Variants in SGCD observed in about 807,000 individuals in gnomAD.
SGCD encodes the protein sarcoglycan delta.
In SGCD, 18 loss-of-function variants were observed where a neutral mutation model predicts 36.6. The observed-to-expected ratio is 0.49, with a 90% confidence interval of 0.34 to 0.73. SGCD has a LOEUF of 0.73. SGCD is among the 30% of genes least tolerant of loss of function. The probability of loss-of-function intolerance (pLI) is 0.01; values close to 1 mark genes in which losing one functional copy is unlikely to be tolerated. For missense variants in SGCD, 387 were observed against 346.7 expected (o/e 1.12, Z -0.92); for synonymous variants, 133 against 130.6 (o/e 1.02, Z -0.12).
chr5:155,885,326 G>A lies in SGCD; in HGVS notation c.-282+14902G>A, dbSNP rs12657186. Among the ~76,000 whole-genome samples the A allele has an allele frequency of 6.3e-4, 73 of 116,156 alleles. 14 individuals carry two copies. The East Asian group carries it at 0.014, about 23-fold the overall frequency. The allele number at this position is 116,156 out of a possible 152,430, so 76.2% of individuals were successfully genotyped here. ...ATGTAACATATGCATTGAGACAGAA[G>A]CAGGCAAGCATAAAAATATCAAGTG... On this transcript the variant is annotated intron_variant, in intron 1 of 9. Coordinates refer to the SGCD transcript ENST00000517913.
At chr5:155,949,100 T>A (rs918932771) in intron 1 of SGCD, among the ~76,000 whole-genome samples, 1 of 152,174 alleles carries the variant, frequency 6.6e-6, no homozygotes, top group Non-Finnish European at 1.5e-5. Context: ...TAAATACTGA[T>A]TGCTGCATTG....
intron 3 of SGCD, among the ~76,000 whole-genome samples, chr5:156,133,410 A>G (rs1581119791): frequency 6.6e-6 from 1 of 152,198 alleles, no homozygotes; most frequent in African/African-American, 2.4e-5. Context: ...TTCCAGAGAT[A>G]TTCTATTCTT....
At chr5:156,410,344 G>A (rs767879034) in intron 3 of SGCD, among the ~76,000 whole-genome samples, 24 of 151,772 alleles carry the variant, frequency 1.6e-4, no homozygotes, top group Non-Finnish European at 2.2e-4. Context: ...TTGGGTACAC[G>A]TAGACATAAA....
intron 3 of SGCD, among the ~76,000 whole-genome samples, chr5:156,350,247 T>TATATATATATATATATATATATATATATA (rs1769170083): frequency 7.3e-5 from 7 of 95,768 alleles, no homozygotes; most frequent in Non-Finnish European, 1.4e-4. Flanking sequence ...GGAAAAAAAA[T>TATATATATATATATATATATATATATATA]TATATATATA....
intron 3 of SGCD, among the ~76,000 whole-genome samples, chr5:156,130,330 G>A (rs931959685): frequency 2.0e-5 from 3 of 151,964 alleles, no homozygotes. Context: ...TTTTTAATGG[G>A]GTTGCTTGTT....
intron 3 of SGCD, among the ~76,000 whole-genome samples, chr5:156,163,273 G>C (rs544538982): frequency 1.3e-5 from 2 of 151,700 alleles, no homozygotes; most frequent in South Asian, 4.1e-4. Flanking sequence ...CTCACCACTT[G>C]TGTATGCAAA....
Position 156,406,807 on chromosome 5 carries a change from TATATATATATATACACAC to T in SGCD, c.192+62132_192+62149del, listed in dbSNP as rs1186812656. 7.9e-3 allele frequency among the ~76,000 whole-genome samples: 782 copies of T among 98,692 alleles called. 43 individuals carry two copies. Among genetic ancestry groups the T allele is most frequent in the African/African-American group, 0.036 (722 of 20,314 alleles). The allele number at this position is 98,692 out of a possible 152,430, so 64.7% of individuals were successfully genotyped here. On this transcript the variant is annotated intron_variant, in intron 3 of 8. Transcript: ENST00000337851. ...AGGAGATTTTATATATATATATATA[TATATATATATATACACAC>T]ACACACACACACACACATATATATG...
chr5:156,210,661 TAATGA>T (rs1472369094), intron 3 of SGCD, among the ~76,000 whole-genome samples: 1 of 151,256 alleles, frequency 6.6e-6, no homozygotes, highest in Non-Finnish European at 1.5e-5. Context: ...AAAATATAAT[TAATGA>T]AATGAAAAAA....
At chr5:156,278,269 G>A (rs181557586) in intron 3 of SGCD, among the ~76,000 whole-genome samples, 1 of 152,228 alleles carries the variant, frequency 6.6e-6, no homozygotes, top group East Asian at 1.9e-4. Context: ...TAAGAGCCTT[G>A]GGCATGTTCT....
At chr5:156,235,465 A>T (rs1348364942) in intron 3 of SGCD, among the ~76,000 whole-genome samples, 2 of 152,220 alleles carry the variant, frequency 1.3e-5, no homozygotes, top group Non-Finnish European at 2.9e-5. Context: ...AGGAAATGGC[A>T]CCAGAGAAAT....
chr5:156,423,159 AATAT>A, intron 3 of SGCD, among the ~76,000 whole-genome samples: 1 of 44,210 alleles, frequency 2.3e-5, no homozygotes, highest in Non-Finnish European at 4.1e-5. Flanking sequence ...TAATTATTTA[AATAT>A]TATATTTAAT....
chr5:156,077,905 A>C (rs942301969), intron 1 of SGCD, among the ~76,000 whole-genome samples: 2 of 152,224 alleles, frequency 1.3e-5, no homozygotes, highest in Non-Finnish European at 2.9e-5. Flanking sequence ...GTTCTGTTTT[A>C]GGCTTTAGAG....
At chr5:156,247,520 C>T (rs886530748) in intron 3 of SGCD, among the ~76,000 whole-genome samples, 2 of 152,056 alleles carry the variant, frequency 1.3e-5, no homozygotes, top group Non-Finnish European at 2.9e-5. Context: ...ACAGTAGTGG[C>T]TTCGACCAGG....
intron 1 of SGCD, among the ~76,000 whole-genome samples, chr5:156,042,209 A>G (rs1487837733): frequency 6.6e-6 from 1 of 151,916 alleles, no homozygotes; most frequent in Non-Finnish European, 1.5e-5. Flanking sequence ...TGTCGATAGA[A>G]GAAAATAACA....
At position 156,766,615 on chromosome 5, in the gene SGCD, A is replaced by G. The variant is rs1757592248; in HGVS notation, c.*7225A>G. The G allele has an allele frequency of 6.7e-6, 1 of 148,856 alleles. No homozygotes were observed. Among genetic ancestry groups the G allele is most frequent in the Admixed American group, 6.8e-5 (1 of 14,674 alleles). 9.2% of individuals were successfully genotyped at this position (148,856 alleles called of 1,614,324 possible). A position where few individuals can be genotyped will look rare whatever the true frequency, so the allele number is the denominator to read the frequency against. ...AGCAATGAGGTTTGGTGGTGTTTCA[A>G]CTAGGAAGGGAGAAAATGAGTGCAT... On this transcript the variant is annotated 3_prime_UTR_variant, in exon 9 of 9. Transcript: ENST00000337851.
the SGCD span, among the ~76,000 whole-genome samples, chr5:155,833,322 AT>A: frequency 6.6e-6 from 1 of 152,162 alleles, no homozygotes; most frequent in African/African-American, 2.4e-5. Flanking sequence ...AACATTTTAT[AT>A]TTGTTACATT....
rs1221678586 is a variant in SGCD, at chr5:156,070,108, TG to T, written c.-281-47768del. On this transcript the variant is annotated intron_variant, in intron 1 of 9. Transcript: ENST00000517913. ...CAATTTGACTTCCTCTTTTCCTAAT[TG>T]GATACCCTTTATTTCCTTCTCCTGC... 2.0e-5 allele frequency among the ~76,000 whole-genome samples: 3 copies of T among 149,458 alleles called. No individual in the cohort carries two copies. The East Asian group carries it at 5.8e-4, about 29-fold the overall frequency.
intron 3 of SGCD, among the ~76,000 whole-genome samples, chr5:156,492,221 A>G (rs187572966): frequency 6.6e-6 from 1 of 152,280 alleles, no homozygotes; most frequent in African/African-American, 2.4e-5. Flanking sequence ...ACATCTGGGA[A>G]TAAACTTCTC....
intron 3 of SGCD, among the ~76,000 whole-genome samples, chr5:156,355,667 G>A (rs185004218): frequency 3.3e-5 from 5 of 152,314 alleles, no homozygotes; most frequent in African/African-American, 1.2e-4. Flanking sequence ...GACAGAGTCT[G>A]ACTGTGTTGC....
Sources: gnomAD v4.1 joint callset for allele counts (sites outside exome capture counted in the v4.1 genomes callset) on GRCh38, gnomAD v4.1.1 for gene constraint, MANE v1.5 for transcripts, NCBI Gene and HGNC (gene_info 2026-07-23, HGNC 2026-07-21) for gene names.